Variants in TSHZ3 observed in about 807,000 individuals in gnomAD.
TSHZ3 encodes teashirt zinc finger homeobox 3.
TSHZ3 carries 10 observed loss-of-function variants against 64.5 expected under a neutral mutation model. The ratio of observed to expected loss-of-function variants is 0.16; its 90% CI spans 0.10 to 0.26. The LOEUF (loss-of-function observed/expected upper bound fraction) is 0.26. Among genes scored for constraint, TSHZ3 ranks in the 10% least tolerant of loss-of-function variants. The pLI is 1.00. For missense variants in TSHZ3, 1,242 were observed against 1,421.7 expected (o/e 0.87, Z 2.03); for synonymous variants, 608 against 593.1 (o/e 1.03, Z -0.36).
chr19:31,184,723 G>A (rs942459950), intron 5 of TSHZ3, among the ~76,000 whole-genome samples: 15 of 152,168 alleles, frequency 9.9e-5, no homozygotes, highest in Admixed American at 7.9e-4. Flanking sequence ...TAGATTAGAG[G>A]TATTTGATAT....
rs74970012 is a variant in TSHZ3 at position 31,284,826 on chromosome 19, C to T, written c.41-5074G>A. On this transcript the variant is annotated intron_variant, in intron 1 of 1. Coordinates refer to ENST00000240587, the MANE Select transcript of TSHZ3 (RefSeq NM_020856.4). ...CCCCAGTTATCAGCCGCAACCCTAC[C>T]GTCCGGCCCAGAGTGGCCACTCAAT... 2.7e-3 allele frequency among the ~76,000 whole-genome samples: 416 copies of T among 152,302 alleles called. 2 individuals are homozygous for T. Among genetic ancestry groups the T allele is most frequent in the East Asian group, 0.021 (111 of 5,180 alleles).
intron 1 of TSHZ3, among the ~76,000 whole-genome samples, chr19:31,341,404 T>G (rs1917429118): frequency 6.6e-6 from 1 of 151,464 alleles, no homozygotes; most frequent in Admixed American, 6.6e-5. Flanking sequence ...GGGGTGGGAG[T>G]GTGTCTCAAA....
intron 4 of TSHZ3, among the ~76,000 whole-genome samples, chr19:31,221,547 A>T (rs1305505191): frequency 6.6e-6 from 1 of 152,190 alleles, no homozygotes; most frequent in East Asian, 1.9e-4. Flanking sequence ...CCACGATATC[A>T]TCTGAAGGTT....
chr19:31,206,798 A>C (rs1467512480), intron 4 of TSHZ3, among the ~76,000 whole-genome samples: 1 of 152,202 alleles, frequency 6.6e-6, no homozygotes, highest in Admixed American at 6.5e-5. Context: ...GGGTGACAGA[A>C]TCTCATCTCT....
intron 3 of TSHZ3, among the ~76,000 whole-genome samples, chr19:31,239,197 T>A (rs1568356618): frequency 1.3e-5 from 2 of 152,116 alleles, no homozygotes; most frequent in Non-Finnish European, 2.9e-5. Context: ...CCTCCTTATA[T>A]CCTTCCTACA....
At chr19:31,256,389 A>C (rs1975911902) in intron 1 of TSHZ3, among the ~76,000 whole-genome samples, 1 of 152,096 alleles carries the variant, frequency 6.6e-6, no homozygotes, top group African/African-American at 2.4e-5. Flanking sequence ...GACAGAGAGA[A>C]AGATTCAGGT....
chr19:31,278,786 G>A lies in TSHZ3; in HGVS notation c.1007C>T (p.Ser336Phe). Residue 336 changes from serine (S) to phenylalanine (F), a missense_variant, in exon 2 of 2, where the codon TCC (serine) becomes TTC (phenylalanine). This residue lies in a region of TSHZ3 where 555 missense variants were observed against 704.0 expected (regional missense o/e 0.79). Coordinates refer to ENST00000240587, the MANE Select transcript of TSHZ3 (RefSeq NM_020856.4). The surrounding 1 kb of genome is among the most constrained non-coding windows in gnomAD (Gnocchi z 4.7). The stretch of plus-strand genomic sequence containing the variant: ...GGTGGCTTTGGGGGTTCCACCTGTG[G>A]AATCTGGGGAGCTGGGGAGCTCCAG... The part of the protein sequence containing the change: ...LELELPSSPD[S>F]TGGTPKATIS... 6.2e-7 allele frequency: 1 copy of A among 1,614,198 alleles called. No homozygotes were observed. The highest frequency in any genetic ancestry group is 8.5e-7 in the Non-Finnish European group (1 of 1,180,036).
At chr19:31,314,911 C>A (rs1916560472) in intron 1 of TSHZ3, among the ~76,000 whole-genome samples, 1 of 152,320 alleles carries the variant, frequency 6.6e-6, no homozygotes, top group East Asian at 1.9e-4. Context: ...GAGGTGCTTA[C>A]CTCTATGAGA....
chr19:31,200,601 CA>C (rs1975068552), intron 5 of TSHZ3, among the ~76,000 whole-genome samples: 1 of 152,110 alleles, frequency 6.6e-6, no homozygotes, highest in Admixed American at 6.6e-5. Flanking sequence ...AGACGAAGCA[CA>C]AAGGATATTT....
chr19:31,272,333 C>A (rs1230204504), downstream of TSHZ3, among the ~76,000 whole-genome samples: 1 of 152,164 alleles, frequency 6.6e-6, no homozygotes, highest in Non-Finnish European at 1.5e-5. Context: ...CTGGAATGGT[C>A]TGAACTTGAG....
chr19:31,166,467 C>A (rs986771460), intron 5 of TSHZ3, among the ~76,000 whole-genome samples: 4 of 152,120 alleles, frequency 2.6e-5, no homozygotes, highest in African/African-American at 9.7e-5. Context: ...CATTCTAGAG[C>A]CAGGCCTTGG....
chr19:31,192,790 A>T (rs986719261), intron 5 of TSHZ3, among the ~76,000 whole-genome samples: 8 of 152,240 alleles, frequency 5.3e-5, no homozygotes, highest in Non-Finnish European at 8.8e-5. Flanking sequence ...AAATCGTGAA[A>T]TATATCCCTG....
chr19:31,274,133 G>A (rs550374367), downstream of TSHZ3, among the ~76,000 whole-genome samples: 1 of 151,588 alleles, frequency 6.6e-6, no homozygotes, highest in South Asian at 2.1e-4. Flanking sequence ...AATAAAATAT[G>A]TGTTTTTTTT....
downstream of TSHZ3, among the ~76,000 whole-genome samples, chr19:31,274,058 G>C (rs1976183854): frequency 6.6e-6 from 1 of 152,176 alleles, no homozygotes; most frequent in Non-Finnish European, 1.5e-5. Flanking sequence ...TGAGAAAAAG[G>C]GGTGGGGATG....
intron 4 of TSHZ3, among the ~76,000 whole-genome samples, chr19:31,205,870 C>A (rs767334145): frequency 6.6e-5 from 10 of 152,214 alleles, no homozygotes; most frequent in Non-Finnish European, 1.0e-4. Context: ...AAATAGTATT[C>A]AAATGGCTCT....
At chr19:31,258,582 C>G (rs1975944163) in intron 1 of TSHZ3, among the ~76,000 whole-genome samples, 1 of 152,206 alleles carries the variant, frequency 6.6e-6, no homozygotes. Flanking sequence ...GTCTGTCTCC[C>G]CCACTGATCT....
intron 1 of TSHZ3, among the ~76,000 whole-genome samples, chr19:31,301,672 G>A (rs780831430): frequency 3.9e-5 from 6 of 152,156 alleles, no homozygotes; most frequent in Admixed American, 6.6e-5. Flanking sequence ...AGAGAGGGTC[G>A]GGTCAGAAGG....
At chr19:31,181,554 C>A (rs930265355) in intron 5 of TSHZ3, among the ~76,000 whole-genome samples, 6 of 152,040 alleles carry the variant, frequency 3.9e-5, no homozygotes, top group Non-Finnish European at 8.8e-5. Context: ...GACAGTGGGG[C>A]ATTAAGGAGC....
intron 3 of TSHZ3, among the ~76,000 whole-genome samples, chr19:31,234,895 C>T (rs532688728): frequency 7.9e-5 from 12 of 152,232 alleles, no homozygotes; most frequent in African/African-American, 2.2e-4. Flanking sequence ...GAAGCAGTCA[C>T]GCCTATATTT....
Sources: gnomAD v4.1 joint callset for allele counts (sites outside exome capture counted in the v4.1 genomes callset) on GRCh38, gnomAD v4.1.1 for gene constraint, gnomAD v4.1.1 regional missense constraint, Gnocchi (gnomAD v3.1) non-coding constraint, MANE v1.5 for transcripts, NCBI Gene and HGNC (gene_info 2026-07-23, HGNC 2026-07-21) for gene names.